The following GRIK2 variants were observed in gnomAD, a reference collection of about 807,000 sequenced individuals.
GRIK2 encodes the protein glutamate receptor ionotropic, kainate 2.
Under a neutral mutation model 100.3 loss-of-function variants are expected in GRIK2, and 32 were observed. The observed-to-expected ratio is 0.32, with a 90% CI of 0.24 to 0.43. The LOEUF is 0.43. GRIK2 is among the 20% of genes least tolerant of loss of function. The probability of loss-of-function intolerance (pLI) is 1.00; values close to 1 mark genes in which losing one functional copy is unlikely to be tolerated. For missense variants in GRIK2, 843 were observed against 1,114.9 expected (o/e 0.76, Z 3.47); for synonymous variants, 417 against 389.4 (o/e 1.07, Z -0.83).
chr6:101,919,408 G>A (rs1214590588), intron 12 of GRIK2, among the ~76,000 whole-genome samples: 1 of 151,832 alleles, frequency 6.6e-6, no homozygotes, highest in East Asian at 1.9e-4. Flanking sequence ...TACACTTTAA[G>A]TCTCAAGAGC....
chr6:101,794,166 G>A (rs939955209), intron 7 of GRIK2, among the ~76,000 whole-genome samples: 2 of 152,098 alleles, frequency 1.3e-5, no homozygotes, highest in Non-Finnish European at 2.9e-5. Flanking sequence ...CGCTTCCTGA[G>A]TGAGGCAATG....
rs571936743 is a variant in GRIK2 at position 101,812,645 on chromosome 6, A to T, written c.1204-5725A>T. Among the ~76,000 whole-genome samples, 34 of 152,140 alleles carry T rather than the reference A, an allele frequency of 2.2e-4. No homozygotes were observed. The South Asian group carries it at 7.0e-3, about 32-fold the overall frequency. On this transcript the variant is annotated intron_variant, in intron 9 of 16. Coordinates refer to ENST00000369134, the MANE Select transcript of GRIK2 (RefSeq NM_021956.5). ...ATGCCAAAGTCTCCATCCGTAGGGA[A>T]TTAGTTTTTACTAGACAGAGATAAG...
chr6:101,804,658 G>T (rs1780875031), intron 9 of GRIK2, among the ~76,000 whole-genome samples: 1 of 151,910 alleles, frequency 6.6e-6, no homozygotes, highest in Non-Finnish European at 1.5e-5. Context: ...TTAGCAAGTA[G>T]GGGAATTACT....
chr6:102,009,830 T>C (rs943567162), intron 14 of GRIK2, among the ~76,000 whole-genome samples: 1 of 152,090 alleles, frequency 6.6e-6, no homozygotes, highest in African/African-American at 2.4e-5. Flanking sequence ...GTGAGATGCA[T>C]GGTAAATTGA....
chr6:101,833,445 G>C (rs967320902), intron 10 of GRIK2, among the ~76,000 whole-genome samples: 1 of 152,060 alleles, frequency 6.6e-6, no homozygotes, highest in Admixed American at 6.6e-5. Context: ...ATCTTGGCCA[G>C]GCTGGTCTTG....
At chr6:101,811,347 T>C (rs1781313856) in intron 9 of GRIK2, among the ~76,000 whole-genome samples, 1 of 152,052 alleles carries the variant, frequency 6.6e-6, no homozygotes, top group African/African-American at 2.4e-5. Flanking sequence ...TCAAATAACT[T>C]TCTTTTTTAC....
At chr6:101,677,747 A>G (rs1160864667) in intron 5 of GRIK2, among the ~76,000 whole-genome samples, 1 of 152,118 alleles carries the variant, frequency 6.6e-6, no homozygotes, top group Non-Finnish European at 1.5e-5. Context: ...ATAGGACAAA[A>G]TATTTCTACT....
At chr6:101,779,192 A>C (rs929790892) in intron 7 of GRIK2, among the ~76,000 whole-genome samples, 4 of 152,106 alleles carry the variant, frequency 2.6e-5, no homozygotes, top group African/African-American at 9.7e-5. Context: ...AAGACTCATC[A>C]GTCATGAGGT....
intron 10 of GRIK2, among the ~76,000 whole-genome samples, chr6:101,835,873 AC>A (rs1783049890): frequency 7.4e-5 from 2 of 27,134 alleles, no homozygotes; most frequent in Non-Finnish European, 4.1e-4. Flanking sequence ...ACTTTTTTTC[AC>A]CATACTCCTG....
chr6:101,757,795 A>G (rs555698338), intron 7 of GRIK2, among the ~76,000 whole-genome samples: 1 of 152,336 alleles, frequency 6.6e-6, no homozygotes, highest in East Asian at 1.9e-4. Flanking sequence ...ATGGAAAATA[A>G]CATTTTCTTC....
intron 14 of GRIK2, among the ~76,000 whole-genome samples, chr6:102,015,015 A>T (rs1795759123): frequency 6.6e-6 from 1 of 152,120 alleles, no homozygotes; most frequent in Non-Finnish European, 1.5e-5. Context: ...TGACTCAATG[A>T]TCTGTCTAAT....
rs1277741641 is a variant in GRIK2 at position 101,753,239 on chromosome 6, T to C, written c.952-46409T>C. ...CGGAGCTTGCAGTAAGCCGAGATCTTGCCACTGCACTCCAGCCTGGGCGGC... is the reference window on the plus strand; with the variant it reads ...CGGAGCTTGCAGTAAGCCGAGATCTCGCCACTGCACTCCAGCCTGGGCGGC... On this transcript the variant is annotated intron_variant, in intron 7 of 16. Transcript: ENST00000369134. Among the ~76,000 whole-genome samples, 4 of 145,386 alleles carry C rather than the reference T, an allele frequency of 2.8e-5. No individual in the cohort carries two copies. The East Asian group carries it at 8.0e-4, about 29-fold the overall frequency.
Position 101,928,403 on chromosome 6 carries a change from ACT to A in GRIK2, c.1868-7_1868-6del. ...TCTATATTCGTTTCACCTTTCCCCCACTCTCTGTTAGGTTCTGAGCTCATGCC... is the reference window on the plus strand; with the variant it reads ...TCTATATTCGTTTCACCTTTCCCCCACTCTGTTAGGTTCTGAGCTCATGCC... On this transcript the variant is annotated splice_polypyrimidine_tract_variant and intron_variant, in intron 13 of 16. Transcript: ENST00000369134. The A allele has an allele frequency of 7.1e-7, 1 of 1,416,036 alleles. No homozygotes were observed. Among genetic ancestry groups the A allele is most frequent in the Non-Finnish European group, 1.0e-6 (1 of 999,644 alleles). The allele number at this position is 1,416,036 out of a possible 1,614,324, so 87.7% of individuals were successfully genotyped here.
At chr6:101,836,661 A>ATATTTTTT (rs1246261796) in intron 10 of GRIK2, among the ~76,000 whole-genome samples, 7 of 57,810 alleles carry the variant, frequency 1.2e-4, no homozygotes, top group Non-Finnish European at 1.7e-4. Flanking sequence ...ATATATATAT[A>ATATTTTTT]TTTTTTTTTT....
chr6:101,911,251 G>A (rs1788667634), intron 12 of GRIK2, among the ~76,000 whole-genome samples: 1 of 151,490 alleles, frequency 6.6e-6, no homozygotes, highest in Admixed American at 6.6e-5. Context: ...AATTTTAACT[G>A]TAGCCTCCCC....
chr6:101,721,495 G>A (rs1317015952), intron 7 of GRIK2, among the ~76,000 whole-genome samples: 1 of 151,922 alleles, frequency 6.6e-6, no homozygotes, highest in Admixed American at 6.6e-5. Flanking sequence ...GGGAGGTAGA[G>A]GCTACAATGA....
intron 10 of GRIK2, among the ~76,000 whole-genome samples, chr6:101,857,875 T>TTGC (rs1784511057): frequency 1.3e-5 from 2 of 152,212 alleles, no homozygotes; most frequent in African/African-American, 4.8e-5. Flanking sequence ...CAGATCTTGT[T>TTGC]CAACCAACTC....
At chr6:102,009,151 T>C (rs1298394835) in intron 14 of GRIK2, among the ~76,000 whole-genome samples, 1 of 152,078 alleles carries the variant, frequency 6.6e-6, no homozygotes, top group East Asian at 1.9e-4. Flanking sequence ...CTTTATGTTT[T>C]CTGAACACAT....
Position 101,686,273 on chromosome 6 carries a change from TC to T in GRIK2, c.873del (p.Ile292SerfsTer25). ...AAATACAGAAAATACCCAAGTCTCC[TC>T]CATCATTGAAAAGTGGTCGATGGAA... ...ILNTENTQVS[S>X]IIEKWSMERL... is the part of the protein sequence containing the mutation. On this transcript the variant is annotated frameshift_variant, in exon 7 of 17. Transcript: ENST00000369134. LOFTEE classifies it high-confidence loss of function. 2 of 1,613,116 alleles carry T rather than the reference TC, an allele frequency of 1.2e-6. No individual in the cohort carries two copies. The highest frequency in any genetic ancestry group is 1.7e-6 in the Non-Finnish European group (2 of 1,179,194).
Sources: allele counts gnomAD v4.1 joint callset (sites outside exome capture counted in the v4.1 genomes callset), GRCh38; gene constraint gnomAD v4.1.1; transcripts MANE v1.5; gene names NCBI Gene and HGNC (gene_info 2026-07-23, HGNC 2026-07-21).